The following KAZN variants were observed in gnomAD, a reference collection of about 807,000 sequenced individuals.
KAZN encodes the protein kazrin, periplakin interacting protein, also known as kazrin.
Under a neutral mutation model 87.4 loss-of-function variants are expected in KAZN, and 40 were observed. That is an observed-to-expected ratio of 0.46 (90% confidence interval 0.36 to 0.60). The LOEUF is 0.60. Among genes scored for constraint, KAZN ranks in the 20% least tolerant of loss-of-function variants. The pLI is 0.00. For missense variants in KAZN, 898 were observed against 1,073.9 expected, an observed-to-expected ratio of 0.84 and a Z score of 2.29; for synonymous variants, 466 against 458.3, an observed-to-expected ratio of 1.02 and a Z score of -0.22.
At chr1:14,823,845 G>A (rs144495212) in intron 1 of KAZN, among the ~76,000 whole-genome samples, 2 of 152,282 alleles carry the variant, frequency 1.3e-5, no homozygotes, top group East Asian at 3.9e-4. Flanking sequence ...CCGGCGTGGT[G>A]GCTTGCGCCT....
chr1:13,900,598 T>A (rs1284532341), intron 1 of KAZN, among the ~76,000 whole-genome samples: 1 of 152,196 alleles, frequency 6.6e-6, no homozygotes, highest in Non-Finnish European at 1.5e-5. Context: ...CCCACATCAC[T>A]ACATCAGAAG....
intron 1 of KAZN, among the ~76,000 whole-genome samples, chr1:14,686,225 C>T (rs1328028101): frequency 2.3e-4 from 35 of 152,114 alleles, no homozygotes; most frequent in Admixed American, 2.3e-3. Context: ...GTACCACACC[C>T]AGCTAATTTT....
At chr1:13,954,298 C>T (rs1015338057) in intron 1 of KAZN, among the ~76,000 whole-genome samples, 1 of 152,236 alleles carries the variant, frequency 6.6e-6, no homozygotes, top group African/African-American at 2.4e-5. Context: ...TCTGCATTGG[C>T]ATTGCTTCCA....
At chr1:14,470,787 G>C (rs964106446) in intron 2 of KAZN, among the ~76,000 whole-genome samples, 2 of 152,144 alleles carry the variant, frequency 1.3e-5, no homozygotes, top group Non-Finnish European at 2.9e-5. Flanking sequence ...CTCCAGGATG[G>C]CTCCCCAAGA....
chr1:14,236,383 C>T (rs1230407919), intron 2 of KAZN, among the ~76,000 whole-genome samples: 1 of 152,114 alleles, frequency 6.6e-6, no homozygotes, highest in African/African-American at 2.4e-5. Context: ...AGGTCTTCCT[C>T]TTGTGCAGTA....
intron 2 of KAZN, among the ~76,000 whole-genome samples, chr1:15,007,657 T>A (rs1246776420): frequency 6.6e-6 from 1 of 152,210 alleles, no homozygotes; most frequent in Non-Finnish European, 1.5e-5. Context: ...TCCTGGTTTC[T>A]GCTCTGCCGG....
At chr1:13,959,044 T>C (rs529459953) in intron 1 of KAZN, among the ~76,000 whole-genome samples, 4 of 152,120 alleles carry the variant, frequency 2.6e-5, no homozygotes, top group Non-Finnish European at 5.9e-5. Flanking sequence ...CCATTTTCAC[T>C]CCCACCATCA....
intron 1 of KAZN, among the ~76,000 whole-genome samples, chr1:14,796,645 G>A (rs1645838143): frequency 1.3e-5 from 2 of 152,260 alleles, no homozygotes; most frequent in Admixed American, 1.3e-4. Context: ...TATTTTGGAA[G>A]ATCACTGTCT....
intron 1 of KAZN, among the ~76,000 whole-genome samples, chr1:14,929,149 C>G (rs1294908748): frequency 6.6e-6 from 1 of 152,224 alleles, no homozygotes; most frequent in South Asian, 2.1e-4. Flanking sequence ...CATCCTTTCC[C>G]CCTGTGGGGC....
chr1:14,174,161 G>A (rs1646018463), intron 1 of KAZN, among the ~76,000 whole-genome samples: 2 of 152,198 alleles, frequency 1.3e-5, no homozygotes, highest in African/African-American at 2.4e-5. Flanking sequence ...GTATAGGGAG[G>A]TCACAGGATT....
chr1:13,893,118 G>C (rs930705608), exon 1 of KAZN: 1 of 152,078 alleles, frequency 6.6e-6, no homozygotes, highest in Non-Finnish European at 1.5e-5. Context: ...CGGGAGCCCA[G>C]GGTCGGCGCT....
chr1:15,043,917 C>T lies in KAZN; in HGVS notation c.556-72C>T, dbSNP rs1673185474. On this transcript the variant is annotated intron_variant, in intron 3 of 14. Coordinates refer to ENST00000376030, the MANE Select transcript of KAZN (RefSeq NM_201628.3). Reference sequence around the variant, plus strand: ...TTTTTCCATCTAGGAGTTAGGCCCCCTCTAGGCATCCCTGGGCCAGGAGGA... The same window carrying T: ...TTTTTCCATCTAGGAGTTAGGCCCCTTCTAGGCATCCCTGGGCCAGGAGGA... 4.1e-6 allele frequency: 6 copies of T among 1,466,484 alleles called. No homozygotes were observed. The South Asian group carries it at 7.0e-5, about 17-fold the overall frequency. The allele number at this position is 1,466,484 out of a possible 1,614,324, so 90.8% of individuals were successfully genotyped here.
At chr1:14,943,007 G>GT (rs1553160466) in intron 1 of KAZN, among the ~76,000 whole-genome samples, 2 of 100,846 alleles carry the variant, frequency 2.0e-5, no homozygotes, top group Admixed American at 2.3e-4. Flanking sequence ...GTGTGTGTGT[G>GT]GTGTGTGTGT....
At chr1:14,589,921 A>C (rs555932574) in intron 2 of KAZN, among the ~76,000 whole-genome samples, 112 of 152,256 alleles carry the variant, frequency 7.4e-4, no homozygotes, top group African/African-American at 2.5e-3. Context: ...AATCTGGGAA[A>C]AGAATGGGGG....
chr1:14,338,916 G>A (rs1158343191), intron 2 of KAZN, among the ~76,000 whole-genome samples: 1 of 152,212 alleles, frequency 6.6e-6, no homozygotes, highest in Non-Finnish European at 1.5e-5. Flanking sequence ...ACCCACATAG[G>A]AGAGCCATGA....
Position 14,210,776 on chromosome 1 carries a change from A to G in KAZN, c.249+30184A>G, listed in dbSNP as rs546683047. 3.2e-3 allele frequency among the ~76,000 whole-genome samples: 491 copies of G among 152,292 alleles called. 2 individuals are homozygous for G. The highest frequency in any genetic ancestry group is 0.011 in the African/African-American group (472 of 41,586). On this transcript the variant is annotated intron_variant, in intron 2 of 16. Coordinates refer to the KAZN transcript ENST00000636203. ...ATAGCATACTTATAAAAATTATTAT[A>G]CTAAACAAAATATTGAGAAGAATGT...
chr1:15,109,625 G>A (rs12727983), intron 13 of KAZN, among the ~76,000 whole-genome samples: 16 of 80,010 alleles, frequency 2.0e-4, no homozygotes, highest in Non-Finnish European at 3.1e-4. Flanking sequence ...GTGTGTGTGT[G>A]TATATATGTG....
chr1:13,947,530 C>T (rs1338998538), intron 1 of KAZN, among the ~76,000 whole-genome samples: 2 of 152,150 alleles, frequency 1.3e-5, no homozygotes, highest in Non-Finnish European at 2.9e-5. Context: ...ACATTGCTTC[C>T]TCATCTGCAG....
intron 1 of KAZN, among the ~76,000 whole-genome samples, chr1:14,805,629 A>G (rs1646186180): frequency 6.6e-6 from 1 of 152,054 alleles, no homozygotes; most frequent in Non-Finnish European, 1.5e-5. Context: ...ATGGTGGCTC[A>G]TGACTGTAAT....
Sources: allele counts gnomAD v4.1 joint callset (sites outside exome capture counted in the v4.1 genomes callset), GRCh38; gene constraint gnomAD v4.1.1; transcripts MANE v1.5; gene names NCBI Gene and HGNC (gene_info 2026-07-23, HGNC 2026-07-21).